The following NPHP4 variants were observed in gnomAD, a reference collection of about 807,000 sequenced individuals.
NPHP4 encodes the protein nephrocystin 4.
A neutral mutation model predicts 155.8 loss-of-function variants in NPHP4; 151 were observed. That is an observed-to-expected ratio of 0.97 (90% CI 0.85 to 1.11). The LOEUF (loss-of-function observed/expected upper bound fraction) is 1.11. Among genes scored for constraint, NPHP4 ranks in the 50% least tolerant of loss-of-function variants. The pLI is 0.00. For missense variants in NPHP4, 1,956 were observed against 1,925.7 expected (o/e 1.02, Z -0.29); for synonymous variants, 845 against 816.8 (o/e 1.03, Z -0.59).
chr1:5,930,176 G>T (rs901474885), intron 10 of NPHP4, among the ~76,000 whole-genome samples: 8 of 152,016 alleles, frequency 5.3e-5, no homozygotes, highest in Non-Finnish European at 1.2e-4. Flanking sequence ...TTAGTCATTT[G>T]TGTCCTCCCT....
intron 23 of NPHP4, among the ~76,000 whole-genome samples, chr1:5,869,951 T>C (rs1641828610): frequency 6.6e-6 from 1 of 152,222 alleles, no homozygotes; most frequent in South Asian, 2.1e-4. Flanking sequence ...CAGTAGTCTG[T>C]GCACATACAC....
At chr1:5,894,535 C>A (rs1169422357) in intron 16 of NPHP4, among the ~76,000 whole-genome samples, 1 of 151,004 alleles carries the variant, frequency 6.6e-6, no homozygotes, top group Non-Finnish European at 1.5e-5. Context: ...AAAACACAAT[C>A]AAAAAAGATT....
Position 5,890,794 on chromosome 1 carries a change from C to T in NPHP4, c.2304+74G>A. 2 of 1,461,050 alleles carry T rather than the reference C, an allele frequency of 1.4e-6. No individual in the cohort carries two copies. Among genetic ancestry groups the T allele is most frequent in the Non-Finnish European group, 9.4e-7 (1 of 1,064,304 alleles). The allele number at this position is 1,461,050 out of a possible 1,614,324, so 90.5% of individuals were successfully genotyped here. On this transcript the variant is annotated intron_variant, in intron 17 of 29. Coordinates refer to ENST00000378156, the MANE Select transcript of NPHP4 (RefSeq NM_015102.5). This position sits in a 1 kb window ranked among gnomAD's most constrained non-coding sequence, Gnocchi z 4.9. ...ATAGCGCCCGCTCCTTCCAAGCAGA[C>T]AGACGCTGGAAGCGTGACTCGTCCC...
At chr1:5,980,222 G>A (rs888230665) in intron 2 of NPHP4, among the ~76,000 whole-genome samples, 6 of 152,244 alleles carry the variant, frequency 3.9e-5, no homozygotes, top group Admixed American at 2.0e-4. Flanking sequence ...GCTTCCCCAG[G>A]TGGCCTGTGG....
At chr1:5,955,679 G>A (rs1557828570) in intron 6 of NPHP4, among the ~76,000 whole-genome samples, 2 of 152,218 alleles carry the variant, frequency 1.3e-5, no homozygotes, top group African/African-American at 4.8e-5. Context: ...CTCATATGTG[G>A]GATCTCAAAA....
intron 7 of NPHP4, among the ~76,000 whole-genome samples, chr1:5,948,806 A>C (rs1647332936): frequency 6.6e-6 from 1 of 152,188 alleles, no homozygotes; most frequent in Non-Finnish European, 1.5e-5. Context: ...TAAGTCATAA[A>C]CCAATAAAAA....
In NPHP4 at chr1:5,948,231, A is replaced by C; in HGVS notation, c.831T>G (p.Gly277=). ...GCCGCTCCAGGATCTCCAGGGCACC[A>C]CCGTCCAGTGGGCCACATCCCTGGA... ...HFQEGCGPLD[G]GALEILERRL... is the part of the protein sequence containing the mutation. The change falls in exon 8 of 30, where the codon GGT becomes GGG. Residue 277 remains glycine (G), a synonymous_variant. Transcript: ENST00000378156. 1 of 1,582,832 alleles carries C rather than the reference A, an allele frequency of 6.3e-7. No individual in the cohort carries two copies.
chr1:5,889,749 A>G lies in NPHP4; in HGVS notation c.2304+1119T>C, dbSNP rs1364237656. ...GGGAGACGGACAAGCAAGGGCCACG[A>G]TGACCCTGTGGGGCCCTTGCCATGA... On this transcript the variant is annotated intron_variant, in intron 17 of 29. Transcript: ENST00000378156. This position sits in a 1 kb window ranked among gnomAD's most constrained non-coding sequence, Gnocchi z 4.2. Among the ~76,000 whole-genome samples the G allele has an allele frequency of 6.6e-6, 1 of 152,222 alleles. No homozygotes were observed. The highest frequency in any genetic ancestry group is 1.5e-5 in the Non-Finnish European group (1 of 68,042).
Position 5,877,109 on chromosome 1 carries a change from C to T in NPHP4, c.2801G>A (p.Arg934His), listed in dbSNP as rs779607309. 8.9e-6 allele frequency: 14 copies of T among 1,580,026 alleles called. 1 individual carries two copies. In the South Asian group the frequency reaches 1.0e-4, roughly 12 times the overall value. Reference protein sequence around the residue: ...LQEAGGDLGRRGTSVLAQQSV... With the variant: ...LQEAGGDLGRHGTSVLAQQSV... ...AACCCTTACCAACACGCTCGTCCCG[C>T]GCCGGCCCAAGTCTCCCCCGGCCTC... Residue 934 changes from arginine to histidine, a missense_variant, in exon 20 of 30, where the codon CGC becomes CAC. Arg to His is a conservative substitution (Grantham distance 29, BLOSUM62 0). Transcript: ENST00000378156.
chr1:5,967,448 C>A, intron 4 of NPHP4, 85 bp from the exon 5 acceptor site: 1 of 1,023,926 alleles, frequency 9.8e-7, no homozygotes, highest in Non-Finnish European at 1.5e-6. Flanking sequence ...GCCACCACCA[C>A]GCCCACTAGA....
At chr1:5,915,629 C>T (rs1411221985) in intron 11 of NPHP4, among the ~76,000 whole-genome samples, 2 of 152,132 alleles carry the variant, frequency 1.3e-5, no homozygotes, top group African/African-American at 4.8e-5. Context: ...GTCCAGATCG[C>T]AGGCAGCCCA....
At position 5,909,158 on chromosome 1, in the gene NPHP4, T is replaced by C. The variant is rs1459325798; in HGVS notation, c.1497A>G (p.Gly499=). ...GTGGGGGGCCTGGACTTACCCCTGG[T>C]CCCACAGGTGAGTTCTGCGGGGCAG... is the stretch of plus-strand genomic sequence containing the variant. The part of the protein sequence containing the change: ...VLAAPQNSPV[G]PGLSISQLAA... The change falls in exon 12 of 30, where the codon GGA becomes GGG. Residue 499 remains glycine, a synonymous_variant. Transcript: ENST00000378156. 1 of 1,598,860 alleles carries C rather than the reference T, an allele frequency of 6.3e-7. No homozygotes were observed. Among genetic ancestry groups the C allele is most frequent in the Non-Finnish European group, 8.5e-7 (1 of 1,172,814 alleles).
chr1:5,943,887 T>C (rs1027966042), intron 9 of NPHP4, among the ~76,000 whole-genome samples: 4 of 152,056 alleles, frequency 2.6e-5, no homozygotes, highest in African/African-American at 9.7e-5. Context: ...ATGCAATGTC[T>C]AGGATGCGGT....
chr1:5,877,406 G>C, intron 19 of NPHP4, 108 bp from the exon 20 acceptor site: 1 of 801,602 alleles, frequency 1.2e-6, no homozygotes, highest in Non-Finnish European at 1.9e-6. Flanking sequence ...GGGAGCTCAA[G>C]AGTGCGGCTC....
Position 5,874,909 on chromosome 1 carries a change from G to A in NPHP4, c.3009C>T (p.His1003=). The stretch of plus-strand genomic sequence containing the variant: ...GGTTGTCGATCTCCACAGTCACCGT[G>A]TGCTGTGTGTTGTGGGGGTTCTTAA... The part of the protein sequence containing the change: ...FVLKNPHNTQ[H]TVTVEIDNPE... Residue 1003 remains histidine (H), a synonymous_variant, in exon 21 of 30, where the codon CAC becomes CAT. Transcript: ENST00000378156. 6.2e-7 allele frequency: 1 copy of A among 1,613,856 alleles called. No individual in the cohort carries two copies. The highest frequency in any genetic ancestry group is 8.5e-7 in the Non-Finnish European group (1 of 1,179,866).
chr1:5,891,489 A>G (rs1184667084), intron 16 of NPHP4, among the ~76,000 whole-genome samples: 1 of 152,210 alleles, frequency 6.6e-6, no homozygotes, highest in African/African-American at 2.4e-5. Flanking sequence ...CTGGCCCTAA[A>G]GCAGGACGGC....
intron 3 of NPHP4, among the ~76,000 whole-genome samples, chr1:5,975,402 T>C (rs1318886904): frequency 2.6e-5 from 4 of 152,146 alleles, no homozygotes; most frequent in African/African-American, 7.2e-5. Flanking sequence ...GCAGGCTCCA[T>C]GAATAGCACG....
chr1:5,864,642 A>C (rs1021410678), intron 27 of NPHP4, 125 bp from the exon 28 acceptor site: 2 of 857,048 alleles, frequency 2.3e-6, no homozygotes, highest in Admixed American at 3.1e-5. Context: ...GGGGCGGCCA[A>C]ATCTGAGGCC....
rs1640990579 is a variant in NPHP4, at chr1:5,864,505, C to G, written c.3829G>C (p.Gly1277Arg). Reference sequence around the variant, plus strand: ...CCACGAGGCGGCAGCACGAAGACACCTTTGGGGTCTGTCTTCAAGAGCGAG... The same window carrying G: ...CCACGAGGCGGCAGCACGAAGACACGTTTGGGGTCTGTCTTCAAGAGCGAG... ...HPQELKTDPKGVFVLPPRGVQ... is the reference protein window; with the variant it reads ...HPQELKTDPKRVFVLPPRGVQ... Residue 1277 changes from glycine to arginine, a missense_variant, in exon 28 of 30, where the codon GGT (glycine) becomes CGT (arginine). By Grantham distance (125) the Gly-to-Arg change is moderately radical (BLOSUM62 -2). Coordinates refer to ENST00000378156, the MANE Select transcript of NPHP4 (RefSeq NM_015102.5). 1.3e-6 allele frequency: 2 copies of G among 1,575,624 alleles called. No homozygotes were observed. Among genetic ancestry groups the G allele is most frequent in the Non-Finnish European group, 1.7e-6 (2 of 1,158,082 alleles).
Sources: gnomAD v4.1 joint callset for allele counts (sites outside exome capture counted in the v4.1 genomes callset) on GRCh38, gnomAD v4.1.1 for gene constraint, Gnocchi (gnomAD v3.1) non-coding constraint, MANE v1.5 for transcripts, NCBI Gene and HGNC (gene_info 2026-07-23, HGNC 2026-07-21) for gene names.